KCNK2: variants seen among roughly 807,000 people sequenced by gnomAD.
The protein encoded by KCNK2 is potassium channel subfamily K member 2.
KCNK2 carries 21 observed loss-of-function variants against 40.5 expected under a neutral mutation model. The ratio of observed to expected loss-of-function variants is 0.52; its 90% CI spans 0.37 to 0.75. The LOEUF (loss-of-function observed/expected upper bound fraction) is 0.75, where lower values mean the gene tolerates loss of function less well. Ranked by LOEUF, KCNK2 falls within the 30% of genes least tolerant of loss-of-function variation. The probability of loss-of-function intolerance (pLI) is 0.00; values close to 1 mark genes in which losing one functional copy is unlikely to be tolerated. For missense variants in KCNK2, 399 were observed against 531.6 expected (o/e 0.75, Z 2.45); for synonymous variants, 191 against 202.2 (o/e 0.94, Z 0.47).
intron 3 of KCNK2, among the ~76,000 whole-genome samples, chr1:215,147,901 G>T (rs1268959945): frequency 3.9e-5 from 6 of 151,942 alleles, no homozygotes; most frequent in African/African-American, 1.5e-4. Context: ...TTTCTAAAAG[G>T]TTTGCTCTTT....
intron 1 of KCNK2, among the ~76,000 whole-genome samples, chr1:215,024,491 C>T (rs1016803506): frequency 5.9e-5 from 9 of 152,184 alleles, no homozygotes; most frequent in African/African-American, 2.2e-4. Flanking sequence ...TGCTTTCATA[C>T]AAAAACACTT....
intron 5 of KCNK2, among the ~76,000 whole-genome samples, chr1:215,175,558 T>C (rs1395217511): frequency 2.0e-5 from 3 of 152,070 alleles, no homozygotes; most frequent in Admixed American, 2.0e-4. Flanking sequence ...GGGTATATTG[T>C]GCGATGTTGA....
intron 3 of KCNK2, among the ~76,000 whole-genome samples, chr1:215,139,722 CA>C (rs1307168815): frequency 6.7e-6 from 1 of 149,328 alleles, no homozygotes. Flanking sequence ...GGTGGAGGTT[CA>C]AAAAAAAAGT....
In KCNK2 at chr1:215,125,739, AATATAT is replaced by A. The variant is rs66622204; in HGVS notation, c.475+1023_475+1028del. Among the ~76,000 whole-genome samples the A allele has an allele frequency of 2.1e-3, 263 of 124,278 alleles. 2 individuals carry two copies. The highest frequency in any genetic ancestry group is 4.7e-3 in the African/African-American group (155 of 33,318). 81.5% of individuals were successfully genotyped at this position (124,278 alleles called of 152,430 possible). ...GTACCCTAGAACTTGAAGTATAATA[AATATAT>A]ATATATATATATATATATATATATA... On this transcript the variant is annotated intron_variant, in intron 3 of 6. Coordinates refer to ENST00000444842, the MANE Select transcript of KCNK2 (RefSeq NM_001017425.3).
At chr1:215,203,960 C>A (rs564575663) in intron 6 of KCNK2, among the ~76,000 whole-genome samples, 2 of 147,364 alleles carry the variant, frequency 1.4e-5, no homozygotes, top group Non-Finnish European at 3.0e-5. Flanking sequence ...ATGGTGTGAA[C>A]CCGGGAGGTG....
intron 3 of KCNK2, among the ~76,000 whole-genome samples, chr1:215,142,917 C>A (rs1662245988): frequency 6.6e-6 from 1 of 152,004 alleles, no homozygotes; most frequent in Non-Finnish European, 1.5e-5. Flanking sequence ...AGGATGTAAT[C>A]TGAGGTAGTC....
At chr1:215,232,883 G>A (rs1431280373) in intron 6 of KCNK2, among the ~76,000 whole-genome samples, 1 of 152,138 alleles carries the variant, frequency 6.6e-6, no homozygotes, top group Non-Finnish European at 1.5e-5. Flanking sequence ...CCCAAGACTT[G>A]AGACATGACT....
chr1:215,063,290 G>A (rs1307808082), intron 1 of KCNK2, among the ~76,000 whole-genome samples: 5 of 152,176 alleles, frequency 3.3e-5, no homozygotes, highest in African/African-American at 1.2e-4. Flanking sequence ...GAAGCCACTG[G>A]CAGGTTTTCA....
In KCNK2 at chr1:215,021,784, GT is replaced by G. The variant is rs201482176; in HGVS notation, c.34+15830del. 8.1e-3 allele frequency among the ~76,000 whole-genome samples: 1,238 copies of G among 152,036 alleles called. 15 individuals carry two copies. Among genetic ancestry groups the G allele is most frequent in the African/African-American group, 0.028 (1,163 of 41,460 alleles). ...AGGATGGTCTCAATCTCCTGACCTC[GT>G]CATCCGCCCGCCTCGGCCTCCCACG... On this transcript the variant is annotated intron_variant, in intron 1 of 6. Transcript: ENST00000391895.
intron 1 of KCNK2, among the ~76,000 whole-genome samples, chr1:215,012,888 A>G (rs922943695): frequency 4.6e-5 from 7 of 152,134 alleles, no homozygotes; most frequent in African/African-American, 1.7e-4. Context: ...ATAAAGAACA[A>G]TTGATGAACT....
At chr1:215,097,122 G>A (rs1660010350) in intron 2 of KCNK2, among the ~76,000 whole-genome samples, 1 of 151,808 alleles carries the variant, frequency 6.6e-6, no homozygotes, top group Admixed American at 6.6e-5. Context: ...TATACCTGCA[G>A]GTACTAAGAA....
At chr1:215,157,777 A>G (rs966944281) in intron 3 of KCNK2, among the ~76,000 whole-genome samples, 3 of 152,186 alleles carry the variant, frequency 2.0e-5, no homozygotes, top group African/African-American at 7.2e-5. Flanking sequence ...CTTATAGTCA[A>G]TGGACATCTT....
chr1:215,212,810 T>G (rs1665795680), intron 6 of KCNK2, among the ~76,000 whole-genome samples: 1 of 152,218 alleles, frequency 6.6e-6, no homozygotes. Flanking sequence ...AGAGATGATG[T>G]ATCTGAGATT....
intron 3 of KCNK2, among the ~76,000 whole-genome samples, chr1:215,145,051 C>G (rs1021275378): frequency 6.6e-6 from 1 of 152,128 alleles, no homozygotes. Context: ...AATTTTGACT[C>G]AACCACTCCT....
intron 3 of KCNK2, among the ~76,000 whole-genome samples, chr1:215,125,973 C>CTTT (rs1169606526): frequency 6.6e-6 from 1 of 151,594 alleles, no homozygotes; most frequent in Admixed American, 6.6e-5. Flanking sequence ...GGAGTTTTTT[C>CTTT]TTTCCACATA....
chr1:215,139,471 C>T lies in KCNK2; in HGVS notation c.475+14721C>T, dbSNP rs572678842. On this transcript the variant is annotated intron_variant, in intron 3 of 6. Transcript: ENST00000444842. The stretch of plus-strand genomic sequence containing the variant: ...CATGTTGATGACCATTTTTTGTTTG[C>T]AATGGGTATTTTTTAAAAAAATATA... Among the ~76,000 whole-genome samples, 32 of 152,178 alleles carry T rather than the reference C, an allele frequency of 2.1e-4. No homozygotes were observed. In the South Asian group the frequency reaches 5.0e-3, roughly 24 times the overall value.
chr1:215,161,262 C>T (rs1365620635), intron 3 of KCNK2, among the ~76,000 whole-genome samples: 2 of 152,092 alleles, frequency 1.3e-5, no homozygotes, highest in Non-Finnish European at 2.9e-5. Flanking sequence ...CTTTTCTAAC[C>T]ATCTGAAATT....
intron 6 of KCNK2, among the ~76,000 whole-genome samples, chr1:215,218,467 C>T (rs1666042712): frequency 6.6e-6 from 1 of 152,246 alleles, no homozygotes; most frequent in Admixed American, 6.5e-5. Flanking sequence ...TATCACCCCG[C>T]ATTCATCCAG....
chr1:215,235,410 T>TC lies in KCNK2; in HGVS notation c.*267dup, dbSNP rs1666842352. 1 of 394,544 alleles carries TC rather than the reference T, an allele frequency of 2.5e-6. No individual in the cohort carries two copies. Among genetic ancestry groups the TC allele is most frequent in the South Asian group, 5.1e-5 (1 of 19,636 alleles). 24.4% of individuals were successfully genotyped at this position (394,544 alleles called of 1,614,324 possible). A position where few individuals can be genotyped will look rare whatever the true frequency, so the allele number is the denominator to read the frequency against. On this transcript the variant is annotated 3_prime_UTR_variant, in exon 7 of 7. Coordinates refer to ENST00000444842, the MANE Select transcript of KCNK2 (RefSeq NM_001017425.3). ...ATGCCTTTTTGTGCCCAGACTGTTT[T>TC]CCTCTCTCTTTCCCTAATGTGCCAT...
Sources: gnomAD v4.1 joint callset for allele counts (sites outside exome capture counted in the v4.1 genomes callset) on GRCh38, gnomAD v4.1.1 for gene constraint, MANE v1.5 for transcripts, NCBI Gene and HGNC (gene_info 2026-07-23, HGNC 2026-07-21) for gene names.